The following UNC13C variants were observed in gnomAD, a reference collection of about 807,000 sequenced individuals.
UNC13C encodes protein unc-13 homolog C.
A neutral mutation model predicts 245.4 loss-of-function variants in UNC13C; 174 were observed. The observed-to-expected ratio is 0.71, with a 90% CI of 0.63 to 0.80. The LOEUF (loss-of-function observed/expected upper bound fraction) is 0.80. Ranked by LOEUF, UNC13C falls within the 30% of genes least tolerant of loss-of-function variation. The probability of loss-of-function intolerance (pLI) is 0.00; values close to 1 mark genes in which losing one functional copy is unlikely to be tolerated. For synonymous variants in UNC13C, 992 were observed against 895.1 expected (o/e 1.11, Z -1.93); for missense variants, 2,829 against 2,602.9 (o/e 1.09, Z -1.89).
intron 4 of UNC13C, among the ~76,000 whole-genome samples, chr15:54,203,598 A>G (rs926329735): frequency 2.7e-5 from 4 of 148,040 alleles, no homozygotes; most frequent in African/African-American, 7.4e-5. Flanking sequence ...GATATATTTT[A>G]TGACTGAGTT....
rs111922712 is a variant in UNC13C at position 54,030,975 on chromosome 15, T to C, written c.2983+15089T>C. 4.2e-3 allele frequency among the ~76,000 whole-genome samples: 640 copies of C among 152,264 alleles called. 1 individual carries two copies. Among genetic ancestry groups the C allele is most frequent in the Middle Eastern group, 0.014 (4 of 294 alleles). ...TGAGAGGATGAAAACATTCAAACCA[T>C]AGTACACCTCTTTTTCCAGTCACAC... On this transcript the variant is annotated intron_variant, in intron 2 of 32. Coordinates refer to ENST00000260323, the MANE Select transcript of UNC13C (RefSeq NM_001080534.3).
chr15:54,063,558 A>T (rs1897940233), intron 2 of UNC13C, among the ~76,000 whole-genome samples: 3 of 151,800 alleles, frequency 2.0e-5, no homozygotes, highest in South Asian at 2.1e-4. Flanking sequence ...ACTCATTTTT[A>T]TTCTCCTAGA....
At chr15:54,132,335 G>T (rs62012213) in intron 2 of UNC13C, among the ~76,000 whole-genome samples, 7,138 of 152,186 alleles carry the variant, frequency 0.047, 157 homozygotes, top group South Asian at 0.062. Context: ...CTCCCAAAGT[G>T]CTGGGATCAC....
At chr15:53,877,366 T>G in the UNC13C span, among the ~76,000 whole-genome samples, 1 of 152,094 alleles carries the variant, frequency 6.6e-6, no homozygotes, top group South Asian at 2.1e-4. Flanking sequence ...AGAGAAACTC[T>G]TAGAAACATA....
chr15:54,183,801 T>G (rs1313307988), intron 4 of UNC13C, among the ~76,000 whole-genome samples: 1 of 150,348 alleles, frequency 6.7e-6, no homozygotes, highest in African/African-American at 2.4e-5. Flanking sequence ...GCAGACAGTA[T>G]TAAGTAATAG....
chr15:54,568,403 C>T (rs1897608760), intron 30 of UNC13C, among the ~76,000 whole-genome samples: 1 of 152,034 alleles, frequency 6.6e-6, no homozygotes, highest in African/African-American at 2.4e-5. Context: ...ATTTTATGCT[C>T]ATTTCATATG....
intron 2 of UNC13C, among the ~76,000 whole-genome samples, chr15:54,025,082 G>T (rs1896053740): frequency 6.6e-6 from 1 of 152,120 alleles, no homozygotes; most frequent in African/African-American, 2.4e-5. Context: ...GAAATAAGAA[G>T]AAATGATCCA....
intron 1 of UNC13C, among the ~76,000 whole-genome samples, chr15:54,012,072 A>C (rs1374897073): frequency 1.3e-5 from 2 of 152,232 alleles, no homozygotes; most frequent in Non-Finnish European, 2.9e-5. Context: ...CTGTGCTGGC[A>C]AACCAGCAAA....
chr15:54,077,870 C>T (rs1018439560), intron 2 of UNC13C, among the ~76,000 whole-genome samples: 9 of 152,062 alleles, frequency 5.9e-5, no homozygotes, highest in African/African-American at 9.7e-5. Flanking sequence ...AGATTTGTTA[C>T]GTGAGTATAT....
intron 10 of UNC13C, among the ~76,000 whole-genome samples, chr15:54,278,216 C>G (rs796232846): frequency 5.3e-4 from 81 of 152,194 alleles, no homozygotes; most frequent in African/African-American, 1.8e-3. Context: ...AAATCTTACC[C>G]TTTTTCTTTA....
chr15:54,402,167 C>A (rs944445734), intron 18 of UNC13C, among the ~76,000 whole-genome samples: 3 of 151,668 alleles, frequency 2.0e-5, no homozygotes, highest in South Asian at 4.2e-4. Flanking sequence ...TCATAGTGGG[C>A]AGAATAGGTA....
chr15:54,426,197 A>T (rs183184676), intron 19 of UNC13C, among the ~76,000 whole-genome samples: 61 of 151,506 alleles, frequency 4.0e-4, no homozygotes, highest in Non-Finnish European at 7.2e-4. Context: ...ATTCATATTC[A>T]GTAATCTGGG....
In UNC13C at chr15:54,396,025, G is replaced by C. The variant is rs1272008177; in HGVS notation, c.4847+2844G>C. On this transcript the variant is annotated intron_variant, in intron 18 of 32. Transcript: ENST00000260323. Reference sequence around the variant, plus strand: ...TTCAATATTTCATTAAAACTAAATAGTATTAAGCAGAGTACTTTCAGATTT... The same window carrying C: ...TTCAATATTTCATTAAAACTAAATACTATTAAGCAGAGTACTTTCAGATTT... 2.6e-5 allele frequency among the ~76,000 whole-genome samples: 4 copies of C among 151,598 alleles called. No individual in the cohort carries two copies. In the East Asian group the frequency reaches 7.7e-4, roughly 29 times the overall value.
chr15:54,383,742 G>T (rs941778468), intron 17 of UNC13C, among the ~76,000 whole-genome samples: 2 of 152,056 alleles, frequency 1.3e-5, no homozygotes, highest in African/African-American at 2.4e-5. Flanking sequence ...TTTTGTAAAT[G>T]ACATGATCTT....
intron 2 of UNC13C, among the ~76,000 whole-genome samples, chr15:54,017,398 A>G (rs760435840): frequency 8.5e-5 from 13 of 152,154 alleles, no homozygotes; most frequent in Non-Finnish European, 1.8e-4. Context: ...TTCTTGGGAT[A>G]CAGGCCAGCA....
rs140920024 is a variant in UNC13C, at chr15:54,563,053, C to T, written c.5959-4747C>T. 3.2e-3 allele frequency among the ~76,000 whole-genome samples: 490 copies of T among 152,106 alleles called. 6 individuals are homozygous for T. Among genetic ancestry groups the T allele is most frequent in the African/African-American group, 0.011 (457 of 41,528 alleles). ...CTTTTAAAAATTTTCTGTTGTTAAGCCACATCACCCCTATTCTGTACTTTG... is the reference window on the plus strand; with the variant it reads ...CTTTTAAAAATTTTCTGTTGTTAAGTCACATCACCCCTATTCTGTACTTTG... On this transcript the variant is annotated intron_variant, in intron 29 of 32. Coordinates refer to ENST00000260323, the MANE Select transcript of UNC13C (RefSeq NM_001080534.3).
At chr15:54,141,511 A>ATT in intron 2 of UNC13C, among the ~76,000 whole-genome samples, 1 of 152,246 alleles carries the variant, frequency 6.6e-6, no homozygotes, top group South Asian at 2.1e-4. Flanking sequence ...AAGAAGACCC[A>ATT]TTACAATCCC....
At chr15:54,151,998 A>G (rs1595917090) in intron 4 of UNC13C, among the ~76,000 whole-genome samples, 1 of 152,170 alleles carries the variant, frequency 6.6e-6, no homozygotes, top group South Asian at 2.1e-4. Context: ...CTTTAAAAGA[A>G]CCCCAAATCA....
At chr15:54,619,566 A>G (rs1294068924) in intron 30 of UNC13C, among the ~76,000 whole-genome samples, 1 of 152,196 alleles carries the variant, frequency 6.6e-6, no homozygotes, top group Non-Finnish European at 1.5e-5. Flanking sequence ...CACTAATGAC[A>G]TGTATCTGCT....
Sources: allele counts gnomAD v4.1 joint callset (sites outside exome capture counted in the v4.1 genomes callset), GRCh38; gene constraint gnomAD v4.1.1; transcripts MANE v1.5; gene names NCBI Gene and HGNC (gene_info 2026-07-23, HGNC 2026-07-21).